Variants in CSMD1 observed in about 807,000 individuals in gnomAD.
CSMD1 encodes CUB and Sushi multiple domains 1.
A neutral mutation model predicts 417.5 loss-of-function variants in CSMD1; 213 were observed. The ratio of observed to expected loss-of-function variants is 0.51; its 90% confidence interval spans 0.46 to 0.57. CSMD1 has a LOEUF of 0.57. Ranked by LOEUF, CSMD1 falls within the 20% of genes least tolerant of loss-of-function variation. The pLI is 0.00. For synonymous variants in CSMD1, 2,862 were observed against 1,736.8 expected (o/e 1.65, Z -16.11); for missense variants, 6,923 against 4,529.7 (o/e 1.53, Z -15.17).
chr8:4,029,808 G>C (rs984453369), intron 4 of CSMD1, among the ~76,000 whole-genome samples: 1 of 152,074 alleles, frequency 6.6e-6, no homozygotes, highest in Non-Finnish European at 1.5e-5. Context: ...TTATGAACCT[G>C]TATAATAAAA....
chr8:4,628,029 C>T (rs912772014), intron 2 of CSMD1, among the ~76,000 whole-genome samples: 1 of 151,616 alleles, frequency 6.6e-6, no homozygotes, highest in African/African-American at 2.4e-5. Context: ...GCCACTGTTC[C>T]CTGGGACAAA....
Position 3,488,086 on chromosome 8 carries a change from G to T in CSMD1, c.1448+5537C>A, listed in dbSNP as rs370727921. ...CCAAATAAATGTTTAGAAACTCATA[G>T]TATTATTATTATTATTATTATTATT... On this transcript the variant is annotated intron_variant, in intron 11 of 69. Transcript: ENST00000635120. Among the ~76,000 whole-genome samples the T allele has an allele frequency of 2.4e-3, 360 of 148,290 alleles. 2 individuals are homozygous for T. The highest frequency in any genetic ancestry group is 8.1e-3 in the African/African-American group (326 of 40,216).
chr8:3,807,869 C>T (rs1800834207), intron 5 of CSMD1, among the ~76,000 whole-genome samples: 1 of 152,088 alleles, frequency 6.6e-6, no homozygotes, highest in Non-Finnish European at 1.5e-5. Flanking sequence ...TGGGGTAATG[C>T]TAAGTACAAA....
chr8:4,909,019 T>C (rs1210156786), intron 1 of CSMD1, among the ~76,000 whole-genome samples: 1 of 152,202 alleles, frequency 6.6e-6, no homozygotes, highest in African/African-American at 2.4e-5. Context: ...TGACATGTAT[T>C]GGTTAATAAA....
At chr8:4,072,619 G>C (rs1273573307) in intron 3 of CSMD1, among the ~76,000 whole-genome samples, 4 of 152,074 alleles carry the variant, frequency 2.6e-5, no homozygotes, top group African/African-American at 9.7e-5. Flanking sequence ...CTGTGTTTAT[G>C]TTTTGAAAAT....
At chr8:3,573,244 C>T (rs143594734) in intron 10 of CSMD1, among the ~76,000 whole-genome samples, 3 of 152,174 alleles carry the variant, frequency 2.0e-5, no homozygotes. Context: ...TACTATATCT[C>T]TTTGCCCAAA....
intron 27 of CSMD1, among the ~76,000 whole-genome samples, chr8:3,226,767 T>C (rs1798530183): frequency 1.3e-5 from 2 of 151,900 alleles, no homozygotes; most frequent in Non-Finnish European, 2.9e-5. Flanking sequence ...TGGCAGGTGT[T>C]GAAAATAAGT....
intron 26 of CSMD1, among the ~76,000 whole-genome samples, chr8:3,280,860 TC>T (rs1272141075): frequency 1.3e-5 from 2 of 152,190 alleles, no homozygotes; most frequent in African/African-American, 4.8e-5. Flanking sequence ...CTTCTTTTTT[TC>T]TACCCAAGTT....
intron 3 of CSMD1, among the ~76,000 whole-genome samples, chr8:4,326,483 A>T (rs1799569832): frequency 6.6e-6 from 1 of 152,194 alleles, no homozygotes; most frequent in African/African-American, 2.4e-5. Context: ...AGGAAGTATC[A>T]AGAGGAGATA....
intron 1 of CSMD1, among the ~76,000 whole-genome samples, chr8:4,906,001 G>C (rs1302520520): frequency 1.3e-5 from 2 of 152,144 alleles, no homozygotes; most frequent in East Asian, 3.9e-4. Context: ...CTTTTGGCAG[G>C]AAGTCTGATC....
intron 5 of CSMD1, among the ~76,000 whole-genome samples, chr8:3,799,397 T>TC (rs1428924413): frequency 1.3e-5 from 1 of 77,210 alleles, no homozygotes; most frequent in Non-Finnish European, 2.4e-5. Context: ...CCCTCCCCCC[T>TC]CCCCCCACCC....
At chr8:4,843,911 G>T (rs1800982302) in intron 1 of CSMD1, among the ~76,000 whole-genome samples, 1 of 152,176 alleles carries the variant, frequency 6.6e-6, no homozygotes, top group Non-Finnish European at 1.5e-5. Flanking sequence ...TTTTCTGGGT[G>T]CACAGGAGTT....
chr8:4,815,483 G>A (rs1375535833), intron 1 of CSMD1, among the ~76,000 whole-genome samples: 2 of 151,768 alleles, frequency 1.3e-5, no homozygotes, highest in Non-Finnish European at 2.9e-5. Context: ...ATCACATGAG[G>A]TCAGGAGATC....
In CSMD1 at chr8:3,277,536, G is replaced by C. The variant is rs118156691; in HGVS notation, c.4153+6608C>G. On this transcript the variant is annotated intron_variant, in intron 26 of 69. Coordinates refer to ENST00000635120, the MANE Select transcript of CSMD1 (RefSeq NM_033225.6). ...TTCTCTGTGTGGTGTGAGATCTACA[G>C]AGGTCTAAAAATGGCTCCAAAAGTT... Among the ~76,000 whole-genome samples the C allele has an allele frequency of 1.2e-3, 186 of 152,190 alleles. 1 individual carries two copies. Among genetic ancestry groups the C allele is most frequent in the South Asian group, 3.1e-3 (15 of 4,808 alleles).
intron 10 of CSMD1, among the ~76,000 whole-genome samples, chr8:3,511,625 G>C (rs1268241249): frequency 6.6e-6 from 1 of 151,476 alleles, no homozygotes; most frequent in African/African-American, 2.4e-5. Flanking sequence ...GGGCATGGTA[G>C]CAGATGTCTG....
At chr8:3,339,810 G>T (rs1225848097) in intron 23 of CSMD1, among the ~76,000 whole-genome samples, 1 of 152,088 alleles carries the variant, frequency 6.6e-6, no homozygotes, top group South Asian at 2.1e-4. Context: ...GACACTCATT[G>T]TCCCCGATTT....
At chr8:3,970,522 G>A (rs1361543510) in intron 5 of CSMD1, among the ~76,000 whole-genome samples, 1 of 152,114 alleles carries the variant, frequency 6.6e-6, no homozygotes, top group African/African-American at 2.4e-5. Flanking sequence ...GACTCCAGGA[G>A]GACGATTAAG....
chr8:4,679,521 C>A (rs1327318028), intron 1 of CSMD1, among the ~76,000 whole-genome samples: 1 of 152,182 alleles, frequency 6.6e-6, no homozygotes, highest in Non-Finnish European at 1.5e-5. Context: ...TCGCTTCTGG[C>A]ATTGGCCCCA....
intron 10 of CSMD1, among the ~76,000 whole-genome samples, chr8:3,564,073 A>T (rs1470065168): frequency 6.6e-6 from 1 of 152,180 alleles, no homozygotes; most frequent in Non-Finnish European, 1.5e-5. Flanking sequence ...TGGTACATGT[A>T]TATGATGCAT....
Sources: gnomAD v4.1 joint callset for allele counts (sites outside exome capture counted in the v4.1 genomes callset) on GRCh38, gnomAD v4.1.1 for gene constraint, MANE v1.5 for transcripts, NCBI Gene and HGNC (gene_info 2026-07-23, HGNC 2026-07-21) for gene names.